The following GLIS3 variants were observed in gnomAD, a reference collection of about 807,000 sequenced individuals.
GLIS3 encodes GLIS family zinc finger 3.
A neutral mutation model predicts 78.6 loss-of-function variants in GLIS3; 53 were observed. The observed-to-expected ratio is 0.67, with a 90% CI of 0.54 to 0.85. The LOEUF (loss-of-function observed/expected upper bound fraction) is 0.85. GLIS3 is among the 40% of genes least tolerant of loss of function. The pLI is 0.00. For missense variants in GLIS3, 1,703 were observed against 1,231.1 expected (o/e 1.38, Z -5.74); for synonymous variants, 684 against 509.9 (o/e 1.34, Z -4.60).
intron 2 of GLIS3, among the ~76,000 whole-genome samples, chr9:4,232,280 C>A (rs949419374): frequency 6.6e-6 from 1 of 150,630 alleles, no homozygotes; most frequent in African/African-American, 2.4e-5. Flanking sequence ...ATTTGAGATG[C>A]CAAGGCAGGG....
chr9:4,143,241 TTGTG>T (rs140580360), intron 2 of GLIS3, among the ~76,000 whole-genome samples: 1 of 150,446 alleles, frequency 6.6e-6, no homozygotes, highest in Non-Finnish European at 1.5e-5. Context: ...ACGTGTGTAT[TTGTG>T]TGTGTGTGTG....
intron 4 of GLIS3, among the ~76,000 whole-genome samples, chr9:3,990,727 T>C (rs1036919556): frequency 3.9e-5 from 6 of 152,196 alleles, no homozygotes; most frequent in African/African-American, 1.4e-4. Flanking sequence ...AACCTGAAAT[T>C]GTGCAGTCAT....
chr9:4,262,099 T>A (rs1032841858), intron 2 of GLIS3, among the ~76,000 whole-genome samples: 2 of 152,116 alleles, frequency 1.3e-5, no homozygotes, highest in East Asian at 1.9e-4. Flanking sequence ...ACAGTCTCCT[T>A]AACCATGTGT....
chr9:4,371,700 G>A, the GLIS3 span, among the ~76,000 whole-genome samples: 1 of 151,992 alleles, frequency 6.6e-6, no homozygotes, highest in African/African-American at 2.4e-5. Flanking sequence ...ACTCCATTGT[G>A]GCAAAAGTCA....
At chr9:4,434,111 A>C in the GLIS3 span, among the ~76,000 whole-genome samples, 3 of 151,692 alleles carry the variant, frequency 2.0e-5, no homozygotes, top group African/African-American at 7.3e-5. Flanking sequence ...AAAAAAAAAA[A>C]AGAATGGTCT....
At position 4,299,800 on chromosome 9, in the gene GLIS3, C is replaced by T. The variant is rs1474285825; in HGVS notation, c.-478G>A. 3 of 152,538 alleles carry T rather than the reference C, an allele frequency of 2.0e-5. No individual in the cohort carries two copies. Among genetic ancestry groups the T allele is most frequent in the African/African-American group, 7.2e-5 (3 of 41,458 alleles). The allele number at this position is 152,538 out of a possible 1,614,324, so 9.4% of individuals were successfully genotyped here. ...GTGCCTCGCCTGTCCTGTTCATCCT[C>T]GTCCTGGGCCGGGGAATGCTTCTGG... is the stretch of plus-strand genomic sequence containing the variant. On this transcript the variant is annotated 5_prime_UTR_variant, in exon 1 of 11. Transcript: ENST00000381971.
In GLIS3 at chr9:4,225,176, G is replaced by A. The variant is rs188344997; in HGVS notation, c.388+60862C>T. Among the ~76,000 whole-genome samples the A allele has an allele frequency of 1.1e-4, 16 of 152,112 alleles. No homozygotes were observed. The East Asian group carries it at 2.7e-3, about 26-fold the overall frequency. On this transcript the variant is annotated intron_variant, in intron 2 of 10. Transcript: ENST00000381971. Reference sequence around the variant, plus strand: ...ATATACAAAGTTGGTAAGTTAATAAGATGAGACCAGTTTTTTTCTTCTAAG... The same window carrying A: ...ATATACAAAGTTGGTAAGTTAATAAAATGAGACCAGTTTTTTTCTTCTAAG...
intron 5 of GLIS3, among the ~76,000 whole-genome samples, chr9:3,935,587 C>T (rs1825856614): frequency 1.3e-5 from 2 of 152,162 alleles, no homozygotes; most frequent in Admixed American, 1.3e-4. Flanking sequence ...GGAGTAGAAG[C>T]AATTTCTCAA....
At chr9:4,013,916 G>T (rs979546131) in intron 4 of GLIS3, among the ~76,000 whole-genome samples, 10 of 152,130 alleles carry the variant, frequency 6.6e-5, no homozygotes, top group South Asian at 4.1e-4. Context: ...TGTACAGTTG[G>T]GCAGGTTGTA....
At chr9:4,175,739 AG>A (rs1230881860) in intron 2 of GLIS3, among the ~76,000 whole-genome samples, 5 of 152,238 alleles carry the variant, frequency 3.3e-5, no homozygotes, top group African/African-American at 9.6e-5. Context: ...GAAGGCCCAG[AG>A]GAAGTGAAGC....
chr9:4,005,385 T>C (rs1821462986), intron 4 of GLIS3, among the ~76,000 whole-genome samples: 1 of 152,222 alleles, frequency 6.6e-6, no homozygotes, highest in South Asian at 2.1e-4. Flanking sequence ...ACATACATCA[T>C]GCACACATCC....
the GLIS3 span, among the ~76,000 whole-genome samples, chr9:4,455,318 T>C: frequency 0.012 from 1,812 of 152,328 alleles, 15 homozygotes; most frequent in Non-Finnish European, 0.02. Context: ...CCACACTCTT[T>C]GTAGACAACT....
rs78572702 is a variant in GLIS3, at chr9:4,040,319, T to A, written c.1710+77449A>T. On this transcript the variant is annotated intron_variant, in intron 4 of 10. Transcript: ENST00000381971. ...ACAAAAAACAAAAAACCTGCTACAT[T>A]GAATATATAGTCCCCTAGTTACAAA... 8.7e-3 allele frequency among the ~76,000 whole-genome samples: 1,321 copies of A among 151,976 alleles called. 22 individuals are homozygous for A. Among genetic ancestry groups the A allele is most frequent in the African/African-American group, 0.028 (1,148 of 41,460 alleles).
At chr9:3,985,429 T>A (rs1186052797) in intron 4 of GLIS3, among the ~76,000 whole-genome samples, 4 of 152,216 alleles carry the variant, frequency 2.6e-5, no homozygotes, top group Non-Finnish European at 5.9e-5. Context: ...ATTACAGGTG[T>A]AAGCCACTGC....
the GLIS3 span, among the ~76,000 whole-genome samples, chr9:4,445,837 G>A: frequency 6.6e-6 from 1 of 152,146 alleles, no homozygotes. Flanking sequence ...GCTGCCAGTT[G>A]AGGAATCAAC....
chr9:4,350,749 G>C (rs868179559), upstream of GLIS3, among the ~76,000 whole-genome samples: 67 of 151,944 alleles, frequency 4.4e-4, no homozygotes, highest in African/African-American at 1.5e-3. Flanking sequence ...CTGCCTCTAT[G>C]TCTCTTCTAC....
At chr9:4,394,019 T>C in the GLIS3 span, among the ~76,000 whole-genome samples, 1 of 151,886 alleles carries the variant, frequency 6.6e-6, no homozygotes, top group Admixed American at 6.6e-5. Flanking sequence ...CAGTAGAGGG[T>C]AGAATTTGGA....
the GLIS3 span, among the ~76,000 whole-genome samples, chr9:4,361,056 C>T: frequency 6.6e-6 from 1 of 152,332 alleles, no homozygotes; most frequent in African/African-American, 2.4e-5. Context: ...CAAGAGTACA[C>T]ATGAAACTCA....
At chr9:4,254,998 G>A (rs969081798) in intron 2 of GLIS3, among the ~76,000 whole-genome samples, 1 of 152,030 alleles carries the variant, frequency 6.6e-6, no homozygotes, top group Non-Finnish European at 1.5e-5. Flanking sequence ...AAATATATAA[G>A]GAACTCTTAA....
Sources: allele counts gnomAD v4.1 joint callset (sites outside exome capture counted in the v4.1 genomes callset), GRCh38; gene constraint gnomAD v4.1.1; transcripts MANE v1.5; gene names NCBI Gene and HGNC (gene_info 2026-07-23, HGNC 2026-07-21).